MID1: variants seen among roughly 807,000 people sequenced by gnomAD.
MID1 encodes the protein E3 ubiquitin-protein ligase Midline-1.
MID1 carries 7 observed loss-of-function variants against 40.4 expected under a neutral mutation model. The observed-to-expected ratio is 0.17, with a 90% CI of 0.10 to 0.33. The LOEUF is 0.33. Ranked by LOEUF, MID1 falls within the 10% of genes least tolerant of loss-of-function variation. The pLI, the probability that MID1 is intolerant of heterozygous loss-of-function variation, is 1.00. For missense variants in MID1, 367 were observed against 558.5 expected, an observed-to-expected ratio of 0.66 and a Z score of 3.46; for synonymous variants, 229 against 221.2, an observed-to-expected ratio of 1.04 and a Z score of -0.31.
chrX:10,825,924 A>G (rs1480160574), intron 1 of MID1, among the ~76,000 whole-genome samples: 2 of 111,640 alleles, frequency 1.8e-5, no homozygotes, highest in African/African-American at 6.5e-5. Flanking sequence ...ATTTTCATTC[A>G]CGTAGACCTC....
chrX:10,487,728 T>C (rs763431263), intron 4 of MID1, among the ~76,000 whole-genome samples: 1 of 111,594 alleles, frequency 9.0e-6, no homozygotes, highest in Non-Finnish European at 1.9e-5. Flanking sequence ...TTTCTCGAAT[T>C]TCATATGAAT....
chrX:10,756,291 G>A (rs559841632), intron 1 of MID1, among the ~76,000 whole-genome samples: 160 of 112,574 alleles, frequency 1.4e-3, no homozygotes, highest in African/African-American at 5.1e-3. Context: ...TTTGATAAGT[G>A]TAATGTAATC....
intron 2 of MID1, chrX:10,565,121 C>G (rs1934479422): frequency 3.0e-6 from 1 of 329,707 alleles, no homozygotes; most frequent in Non-Finnish European, 5.9e-6. Flanking sequence ...CTATGATTAA[C>G]TTTGGTGGTA....
upstream of MID1, among the ~76,000 whole-genome samples, chrX:10,624,743 T>C (rs1261733012): frequency 8.9e-6 from 1 of 112,042 alleles, no homozygotes; most frequent in Admixed American, 9.5e-5. Context: ...CCTGAGTAGC[T>C]GGCACCACAG....
chrX:10,669,335 T>G (rs2042974343), intron 1 of MID1, among the ~76,000 whole-genome samples: 1 of 110,982 alleles, frequency 9.0e-6, no homozygotes, highest in Non-Finnish European at 1.9e-5. Context: ...TCATAGTCAG[T>G]TCTCACCTTC....
chrX:10,628,530 C>T (rs1043947775), intron 1 of MID1, among the ~76,000 whole-genome samples: 18 of 111,415 alleles, frequency 1.6e-4, no homozygotes, highest in African/African-American at 5.5e-4. Context: ...TTAAGTTGTA[C>T]CACAGTGCCC....
At chrX:10,549,586 G>T (rs756386838) in intron 2 of MID1, among the ~76,000 whole-genome samples, 3 of 113,458 alleles carry the variant, frequency 2.6e-5, no homozygotes, top group Non-Finnish European at 5.6e-5. Context: ...AGTCCTTTAC[G>T]GTGTTTGCTG....
intron 1 of MID1, among the ~76,000 whole-genome samples, chrX:10,571,919 A>G (rs927887844): frequency 5.5e-5 from 6 of 109,429 alleles, no homozygotes; most frequent in African/African-American, 2.0e-4. Flanking sequence ...GTAATGCAAC[A>G]TAAAAAAAGA....
chrX:10,531,411 T>C (rs1932968389), intron 2 of MID1, among the ~76,000 whole-genome samples: 2 of 112,089 alleles, frequency 1.8e-5, no homozygotes, highest in African/African-American at 6.5e-5. Flanking sequence ...ATAGCTACCA[T>C]TTCCAAATGC....
chrX:10,586,143 T>C (rs1007920045), intron 1 of MID1, among the ~76,000 whole-genome samples: 3 of 111,564 alleles, frequency 2.7e-5, no homozygotes, highest in Non-Finnish European at 5.6e-5. Context: ...AGTACACTTA[T>C]AATAACTGTA....
intron 7 of MID1, among the ~76,000 whole-genome samples, chrX:10,461,620 G>A (rs1209960644): frequency 9.0e-6 from 1 of 110,989 alleles, no homozygotes; most frequent in Non-Finnish European, 1.9e-5. Flanking sequence ...CTGAGTTCTG[G>A]GCCCCAAGAG....
At chrX:10,547,344 G>A (rs1933721447) in intron 2 of MID1, among the ~76,000 whole-genome samples, 2 of 110,282 alleles carry the variant, frequency 1.8e-5, no homozygotes, top group Admixed American at 9.6e-5. Flanking sequence ...AGGCCAAGGC[G>A]GGCGGATCAC....
At chrX:10,505,064 G>A (rs1338226368) in intron 3 of MID1, among the ~76,000 whole-genome samples, 1 of 111,795 alleles carries the variant, frequency 8.9e-6, no homozygotes, top group Non-Finnish European at 1.9e-5. Flanking sequence ...GCATACTTTT[G>A]ATGAAAATAT....
Position 10,556,672 on chromosome X carries a change from C to T in MID1, c.660+10216G>A, listed in dbSNP as rs187912149. Among the ~76,000 whole-genome samples, 15 of 112,217 alleles carry T rather than the reference C, an allele frequency of 1.3e-4. No homozygotes were observed. In the East Asian group the frequency reaches 3.1e-3, roughly 23 times the overall value. On this transcript the variant is annotated intron_variant, in intron 2 of 9. Transcript: ENST00000317552. ...CTTACTATGTGCCAGTCACCATGCT[C>T]GGCACTTTACAAGCATTTTCCTTTT...
chrX:10,832,836 T>C (rs1376118209), intron 1 of MID1, among the ~76,000 whole-genome samples: 1 of 112,441 alleles, frequency 8.9e-6, no homozygotes, highest in Non-Finnish European at 1.9e-5. Context: ...TTTCCATGTT[T>C]AATTACATTC....
intron 1 of MID1, among the ~76,000 whole-genome samples, chrX:10,814,590 TG>T (rs2044123076): frequency 9.2e-6 from 1 of 108,854 alleles, no homozygotes; most frequent in Non-Finnish European, 1.9e-5. Flanking sequence ...TGTGTGTGTG[TG>T]TGTGTGTGTG....
intron 1 of MID1, among the ~76,000 whole-genome samples, chrX:10,769,153 A>G (rs2043749078): frequency 8.9e-6 from 1 of 112,084 alleles, no homozygotes; most frequent in South Asian, 3.8e-4. Flanking sequence ...GCCTATTTAG[A>G]AAATGTATCC....
At chrX:10,510,130 G>A (rs1932041976) in intron 3 of MID1, among the ~76,000 whole-genome samples, 1 of 111,822 alleles carries the variant, frequency 8.9e-6, no homozygotes, top group South Asian at 3.7e-4. Context: ...AACTCAAGTT[G>A]AATAGACTCA....
At chrX:10,639,116 A>G (rs1194430093) in intron 1 of MID1, among the ~76,000 whole-genome samples, 1 of 112,531 alleles carries the variant, frequency 8.9e-6, no homozygotes, top group Non-Finnish European at 1.9e-5. Flanking sequence ...CTCCAAAGGA[A>G]CGCAGGTCCT....
Sources: gnomAD v4.1 joint callset for allele counts (sites outside exome capture counted in the v4.1 genomes callset) on GRCh38, gnomAD v4.1.1 for gene constraint, MANE v1.5 for transcripts, NCBI Gene and HGNC (gene_info 2026-07-23, HGNC 2026-07-21) for gene names.